Variants in ANKRD11 observed in about 807,000 individuals in gnomAD.
ANKRD11 encodes ankyrin repeat domain 11.
Under a neutral mutation model 195.7 loss-of-function variants are expected in ANKRD11, and 17 were observed. The ratio of observed to expected loss-of-function variants is 0.09; its 90% CI spans 0.06 to 0.13. The LOEUF is 0.13. Among genes scored for constraint, ANKRD11 ranks in the 10% least tolerant of loss-of-function variants. The pLI, the probability that ANKRD11 is intolerant of heterozygous loss-of-function variation, is 1.00. For synonymous variants in ANKRD11, 1,953 were observed against 1,528.1 expected (o/e 1.28, Z -6.49); for missense variants, 3,735 against 3,566.1 (o/e 1.05, Z -1.21).
At chr16:89,453,025 ATCC>A (rs1261875030) in intron 1 of ANKRD11, among the ~76,000 whole-genome samples, 1 of 152,130 alleles carries the variant, frequency 6.6e-6, no homozygotes, top group African/African-American at 2.4e-5. Flanking sequence ...GGCTCAAACA[ATCC>A]TCCTGACTCG....
At chr16:89,444,730 G>A (rs1462644024) in intron 1 of ANKRD11, among the ~76,000 whole-genome samples, 1 of 152,158 alleles carries the variant, frequency 6.6e-6, no homozygotes, top group African/African-American at 2.4e-5. Flanking sequence ...GATGGCATGA[G>A]CCCATGAGCT....
chr16:89,408,472 G>T (rs561007187), intron 2 of ANKRD11, among the ~76,000 whole-genome samples: 1 of 152,362 alleles, frequency 6.6e-6, no homozygotes, highest in East Asian at 1.9e-4. Context: ...GAGCGTGGTG[G>T]CAAGTGGCCG....
At chr16:89,342,073 C>CTCT (rs2038712285) in intron 2 of ANKRD11, among the ~76,000 whole-genome samples, 2 of 78,064 alleles carry the variant, frequency 2.6e-5, no homozygotes, top group African/African-American at 8.6e-5. Context: ...GCTGCACCTC[C>CTCT]ACCGCCCACA....
chr16:89,384,258 C>A (rs569231937), intron 2 of ANKRD11, among the ~76,000 whole-genome samples: 1 of 152,114 alleles, frequency 6.6e-6, no homozygotes, highest in Non-Finnish European at 1.5e-5. Flanking sequence ...AGGCTGGGCA[C>A]GGTGGCTCAC....
At chr16:89,387,508 T>C (rs939765371) in intron 2 of ANKRD11, among the ~76,000 whole-genome samples, 3 of 150,464 alleles carry the variant, frequency 2.0e-5, no homozygotes, top group Admixed American at 6.6e-5. Flanking sequence ...CCATCTCTAC[T>C]AAAAATACAA....
intron 1 of ANKRD11, among the ~76,000 whole-genome samples, chr16:89,428,348 AC>A (rs760271085): frequency 5.9e-5 from 9 of 151,964 alleles, no homozygotes; most frequent in Non-Finnish European, 1.2e-4. Context: ...ACACGGTGAA[AC>A]CCCGTCTCTA....
chr16:89,275,075 C>G lies in ANKRD11; in HGVS notation c.7569+18G>C, dbSNP rs1487749442. The G allele has an allele frequency of 6.2e-7, 1 of 1,612,736 alleles. No homozygotes were observed. Among genetic ancestry groups the G allele is most frequent in the East Asian group, 2.2e-5 (1 of 44,850 alleles). ...AGCCCTGGCCGTGGCGCCCCCCTGCCTGTGCCAGCCCACTTACCCGCTCGA... is the reference window on the plus strand; with the variant it reads ...AGCCCTGGCCGTGGCGCCCCCCTGCGTGTGCCAGCCCACTTACCCGCTCGA... On this transcript the variant is annotated intron_variant, in intron 10 of 12. Transcript: ENST00000301030.
At chr16:89,301,114 T>C (rs2035828125) in intron 4 of ANKRD11, among the ~76,000 whole-genome samples, 1 of 152,124 alleles carries the variant, frequency 6.6e-6, no homozygotes, top group Admixed American at 6.5e-5. Flanking sequence ...ATTTATCTAT[T>C]TTATTTTTTA....
In ANKRD11 at chr16:89,285,688, A is replaced by G. The variant is rs1312308819; in HGVS notation, c.893-39T>C. 6.2e-7 allele frequency: 1 copy of G among 1,604,034 alleles called. No individual in the cohort carries two copies. The highest frequency in any genetic ancestry group is 1.1e-5 in the South Asian group (1 of 90,834). On this transcript the variant is annotated intron_variant, in intron 8 of 12. Coordinates refer to ENST00000301030, the MANE Select transcript of ANKRD11 (RefSeq NM_013275.6). This position sits in a 1 kb window ranked among gnomAD's most constrained non-coding sequence, Gnocchi z 5.6. ...GAAGCGAGAGGTCACAGGCAGGCTC[A>G]AAACAGCTCTCCCCAGAATGGCAGA...
chr16:89,283,002 C>T lies in ANKRD11; in HGVS notation c.3540G>A (p.Glu1180=), dbSNP rs758010258. 4 of 1,613,814 alleles carry T rather than the reference C, an allele frequency of 2.5e-6. No individual in the cohort carries two copies. The Admixed American group carries it at 5.0e-5, about 20-fold the overall frequency. ...CTCGGTCCTTTCTCCTGTCTCTGGG[C>T]TCCTTGTCCTTCTGCCTCTCAGGGT... ...KQHPERQKDK[E]PRDRRKDRGA... is the part of the protein sequence containing the mutation. Residue 1180 remains glutamate, a synonymous_variant, in exon 9 of 13, where the codon GAG becomes GAA. Coordinates refer to ENST00000301030, the MANE Select transcript of ANKRD11 (RefSeq NM_013275.6). The surrounding 1 kb of genome is among the most constrained non-coding windows in gnomAD (Gnocchi z 4.3).
At chr16:89,300,587 T>C (rs1349232341) in intron 4 of ANKRD11, 11 of 409,834 alleles carry the variant, frequency 2.7e-5, no homozygotes, top group Non-Finnish European at 3.9e-5. Flanking sequence ...AGGTCTGGCA[T>C]TCAGAGTTCC....
rs749785439 is a variant in ANKRD11, at chr16:89,280,369, G to C, written c.6173C>G (p.Pro2058Arg). The change falls in exon 9 of 13, where the codon CCT (proline) becomes CGT (arginine). Residue 2058 changes from proline (P) to arginine (R), a missense_variant. Physicochemically the swap from Pro to Arg is moderately radical, Grantham distance 103. Coordinates refer to ENST00000301030, the MANE Select transcript of ANKRD11 (RefSeq NM_013275.6). ...GAAGAAGGACTCCAGCCCGGAGGGA[G>C]GGGCGTAGGGAGCCGCCTCTGAGGT... Reference protein sequence around the residue: ...ISTSEAAPYAPPSGLESFFSN... With the variant: ...ISTSEAAPYARPSGLESFFSN... The C allele has an allele frequency of 2.6e-6, 4 of 1,560,324 alleles. No homozygotes were observed. Among genetic ancestry groups the C allele is most frequent in the Non-Finnish European group, 3.5e-6 (4 of 1,154,484 alleles).
At position 89,281,964 on chromosome 16, in the gene ANKRD11, G is replaced by A. The variant is rs753943617; in HGVS notation, c.4578C>T (p.Gly1526=). The change falls in exon 9 of 13, where the codon GGC becomes GGT. Residue 1526 remains glycine (G), a synonymous_variant. Coordinates refer to ENST00000301030, the MANE Select transcript of ANKRD11 (RefSeq NM_013275.6). This position sits in a 1 kb window ranked among gnomAD's most constrained non-coding sequence, Gnocchi z 5.5. Reference sequence around the variant, plus strand: ...TGAATTTCTCCTTCAGTTTGGCATCGCCGAGCCTCGGGCCCTCGTCCCTGG... The same window carrying A: ...TGAATTTCTCCTTCAGTTTGGCATCACCGAGCCTCGGGCCCTCGTCCCTGG... ...DKSRDEGPRL[G]DAKLKEKFKD... is the part of the protein sequence containing the mutation. 19 of 1,612,492 alleles carry A rather than the reference G, an allele frequency of 1.2e-5. No individual in the cohort carries two copies. The highest frequency in any genetic ancestry group is 1.2e-4 in the Admixed American group (7 of 59,974).
At chr16:89,379,495 A>G (rs1309257165) in intron 2 of ANKRD11, among the ~76,000 whole-genome samples, 2 of 152,138 alleles carry the variant, frequency 1.3e-5, no homozygotes, top group Non-Finnish European at 2.9e-5. Flanking sequence ...CAACTTGAAC[A>G]TTTTTTTAAA....
intron 1 of ANKRD11, among the ~76,000 whole-genome samples, chr16:89,423,137 C>T (rs1008116434): frequency 6.6e-6 from 1 of 152,216 alleles, no homozygotes; most frequent in African/African-American, 2.4e-5. Context: ...CGTGAGCCAC[C>T]TTCCCAACAC....
At chr16:89,360,081 C>T (rs546124620) in intron 2 of ANKRD11, among the ~76,000 whole-genome samples, 112 of 152,250 alleles carry the variant, frequency 7.4e-4, no homozygotes, top group African/African-American at 2.6e-3. Context: ...AGTAGACCCC[C>T]GTGTCTGGTG....
intron 1 of ANKRD11, among the ~76,000 whole-genome samples, chr16:89,479,490 C>T (rs1001986257): frequency 1.3e-5 from 2 of 151,866 alleles, no homozygotes; most frequent in Non-Finnish European, 2.9e-5. Flanking sequence ...AAAAAATTAG[C>T]TGGGCTTGGT....
At chr16:89,448,751 G>GA (rs1229151671) in intron 1 of ANKRD11, among the ~76,000 whole-genome samples, 4 of 152,204 alleles carry the variant, frequency 2.6e-5, no homozygotes, top group Admixed American at 2.0e-4. Flanking sequence ...AGTCCAAGAC[G>GA]AGACGGTGCT....
At chr16:89,395,187 G>A (rs980371904) in intron 2 of ANKRD11, among the ~76,000 whole-genome samples, 3 of 152,196 alleles carry the variant, frequency 2.0e-5, no homozygotes, top group African/African-American at 7.2e-5. Flanking sequence ...AAAGTTAGAG[G>A]CTTGGTCAAT....
Sources: allele counts gnomAD v4.1 joint callset (sites outside exome capture counted in the v4.1 genomes callset), GRCh38; gene constraint gnomAD v4.1.1; non-coding constraint Gnocchi (gnomAD v3.1); transcripts MANE v1.5; gene names NCBI Gene and HGNC (gene_info 2026-07-23, HGNC 2026-07-21).